The following CAMSAP1 variants were observed in gnomAD, a reference collection of about 807,000 sequenced individuals.
CAMSAP1 encodes calmodulin regulated spectrin associated protein 1, also known as calmodulin-regulated spectrin-associated protein 1.
Under a neutral mutation model 143.5 loss-of-function variants are expected in CAMSAP1, and 58 were observed. That is an observed-to-expected ratio of 0.40 (90% CI 0.33 to 0.50). CAMSAP1 has a LOEUF of 0.50. Among genes scored for constraint, CAMSAP1 ranks in the 20% least tolerant of loss-of-function variants. The pLI is 0.45. For synonymous variants in CAMSAP1, 945 were observed against 859.3 expected (o/e 1.10, Z -1.74); for missense variants, 1,969 against 2,115.7 (o/e 0.93, Z 1.36).
intron 7 of CAMSAP1, among the ~76,000 whole-genome samples, chr9:135,834,561 T>C (rs972039976): frequency 1.3e-5 from 2 of 152,030 alleles, no homozygotes; most frequent in Non-Finnish European, 2.9e-5. Flanking sequence ...GAAAGAAAAA[T>C]ACTGCTTGAT....
intron 1 of CAMSAP1, among the ~76,000 whole-genome samples, chr9:135,893,092 C>A (rs1161687601): frequency 1.3e-5 from 2 of 151,650 alleles, no homozygotes; most frequent in Non-Finnish European, 2.9e-5. Context: ...ATCACTTGAG[C>A]CCAGGAGTTC....
chr9:135,906,279 G>C (rs894679163), intron 1 of CAMSAP1, among the ~76,000 whole-genome samples: 1 of 152,198 alleles, frequency 6.6e-6, no homozygotes, highest in Non-Finnish European at 1.5e-5. Flanking sequence ...CAAATGAAAA[G>C]AGGATTGCAG....
chr9:135,844,977 C>T (rs1409812973), intron 7 of CAMSAP1, among the ~76,000 whole-genome samples: 1 of 152,086 alleles, frequency 6.6e-6, no homozygotes, highest in Non-Finnish European at 1.5e-5. Context: ...TGAAACTATT[C>T]CAAACAACAG....
intron 1 of CAMSAP1, among the ~76,000 whole-genome samples, chr9:135,885,176 T>C (rs1368368973): frequency 6.6e-6 from 1 of 152,018 alleles, no homozygotes; most frequent in East Asian, 1.9e-4. Context: ...CTTCTCCAAA[T>C]ATTGGAAGGG....
At chr9:135,877,452 A>G (rs1837790716) in intron 3 of CAMSAP1, among the ~76,000 whole-genome samples, 1 of 151,728 alleles carries the variant, frequency 6.6e-6, no homozygotes, top group Non-Finnish European at 1.5e-5. Flanking sequence ...TCAAGGAAAA[A>G]GATCCACTGA....
chr9:135,874,952 T>C (rs1837689966), intron 3 of CAMSAP1, among the ~76,000 whole-genome samples: 1 of 152,154 alleles, frequency 6.6e-6, no homozygotes, highest in Non-Finnish European at 1.5e-5. Context: ...AAAGTTAAAC[T>C]ATATACAAAA....
chr9:135,878,889 T>A (rs1030460078), intron 3 of CAMSAP1, among the ~76,000 whole-genome samples: 4 of 152,014 alleles, frequency 2.6e-5, no homozygotes, highest in African/African-American at 9.7e-5. Context: ...CAGTAAAATA[T>A]GGAAAACACT....
chr9:135,832,222 T>C (rs1835881528), intron 7 of CAMSAP1, among the ~76,000 whole-genome samples: 1 of 152,232 alleles, frequency 6.6e-6, no homozygotes, highest in Non-Finnish European at 1.5e-5. Flanking sequence ...TTATACACCA[T>C]GATTAAGTGG....
chr9:135,853,720 G>A (rs1034043565), intron 5 of CAMSAP1, among the ~76,000 whole-genome samples: 4 of 152,230 alleles, frequency 2.6e-5, no homozygotes, highest in Non-Finnish European at 4.4e-5. Flanking sequence ...GGGGCACAGG[G>A]CAGCCCTGGC....
At chr9:135,880,673 G>A (rs147826588) in intron 3 of CAMSAP1, among the ~76,000 whole-genome samples, 267 of 152,314 alleles carry the variant, frequency 1.8e-3, no homozygotes, top group African/African-American at 4.6e-3. Flanking sequence ...GCATGTGCAA[G>A]CTAACTATCA....
At position 135,809,933 on chromosome 9, in the gene CAMSAP1, T is replaced by C. The variant is rs1030997152; in HGVS notation, c.*1376A>G. On this transcript the variant is annotated 3_prime_UTR_variant, in exon 17 of 17. Coordinates refer to ENST00000389532, the MANE Select transcript of CAMSAP1 (RefSeq NM_015447.4). ...ACTCATGTTTTTTGTCTATCTAAAATTATGTAACAGTTAAATTTGTCTCTT... is the reference window on the plus strand; with the variant it reads ...ACTCATGTTTTTTGTCTATCTAAAACTATGTAACAGTTAAATTTGTCTCTT... The C allele has an allele frequency of 6.6e-6, 1 of 152,652 alleles. No homozygotes were observed. The highest frequency in any genetic ancestry group is 2.4e-5 in the African/African-American group (1 of 41,442). The allele number at this position is 152,652 out of a possible 1,614,324, so 9.5% of individuals were successfully genotyped here. A position where few individuals can be genotyped will look rare whatever the true frequency, so the allele number is the denominator to read the frequency against.
intron 1 of CAMSAP1, among the ~76,000 whole-genome samples, chr9:135,890,837 G>T (rs1271181414): frequency 6.6e-6 from 1 of 152,220 alleles, no homozygotes; most frequent in African/African-American, 2.4e-5. Flanking sequence ...GCAAAAGCCA[G>T]CAGAAACAGT....
chr9:135,820,738 G>A lies in CAMSAP1; in HGVS notation c.3822+101C>T. 1 of 1,453,318 alleles carries A rather than the reference G, an allele frequency of 6.9e-7. No homozygotes were observed. Among genetic ancestry groups the A allele is most frequent in the Non-Finnish European group, 9.3e-7 (1 of 1,080,850 alleles). The allele number at this position is 1,453,318 out of a possible 1,614,324, so 90.0% of individuals were successfully genotyped here. ...ACACATCCCCTGGCCTCTTACAGGA[G>A]CGGCTGGCCAGCCTGGTGCAGATCT... On this transcript the variant is annotated intron_variant, in intron 11 of 16. Coordinates refer to ENST00000389532, the MANE Select transcript of CAMSAP1 (RefSeq NM_015447.4). The surrounding 1 kb of genome is among the most constrained non-coding windows in gnomAD (Gnocchi z 4.4).
Position 135,821,830 on chromosome 9 carries a change from C to T in CAMSAP1, c.2831G>A (p.Gly944Glu). The T allele has an allele frequency of 1.2e-6, 2 of 1,614,052 alleles. No homozygotes were observed. Among genetic ancestry groups the T allele is most frequent in the Non-Finnish European group, 1.7e-6 (2 of 1,179,912 alleles). ...HFAKEYSQHN[G>E]EDCGDAVSKT... is the part of the protein sequence containing the mutation. ...GGAAACAGCGTCCCCACAGTCCTCC[C>T]CGTTGTGCTGAGAGTACTCCTTTGC... The change falls in exon 11 of 17, where the codon GGG (glycine) becomes GAG (glutamate). Residue 944 changes from glycine to glutamate, a missense_variant. Gly to Glu is a moderately conservative substitution (Grantham distance 98, BLOSUM62 -2). Transcript: ENST00000389532. This position sits in a 1 kb window ranked among gnomAD's most constrained non-coding sequence, Gnocchi z 4.6.
At chr9:135,878,668 C>G (rs758830592) in intron 3 of CAMSAP1, among the ~76,000 whole-genome samples, 20 of 152,106 alleles carry the variant, frequency 1.3e-4, no homozygotes, top group Admixed American at 1.3e-4. Flanking sequence ...GAACCCACAC[C>G]GGAGAGGGCC....
chr9:135,898,834 T>C (rs763565467), intron 1 of CAMSAP1, among the ~76,000 whole-genome samples: 34 of 152,222 alleles, frequency 2.2e-4, no homozygotes, highest in East Asian at 2.1e-3. Context: ...TGTATCTTAT[T>C]ATCACCCAGT....
chr9:135,870,406 T>C (rs1327486592), intron 3 of CAMSAP1, among the ~76,000 whole-genome samples: 1 of 152,218 alleles, frequency 6.6e-6, no homozygotes, highest in Non-Finnish European at 1.5e-5. Context: ...ACTGAGTCAA[T>C]TAAACCTCTT....
intron 3 of CAMSAP1, among the ~76,000 whole-genome samples, chr9:135,870,249 G>C (rs1167784745): frequency 6.6e-6 from 1 of 152,196 alleles, no homozygotes; most frequent in African/African-American, 2.4e-5. Context: ...TCTTGTGATA[G>C]TGAGTGGGCT....
intron 7 of CAMSAP1, among the ~76,000 whole-genome samples, chr9:135,831,000 G>A (rs974878204): frequency 4.6e-5 from 7 of 151,816 alleles, no homozygotes; most frequent in African/African-American, 1.2e-4. Context: ...CTGAAACACC[G>A]TCTCTACTAA....
Sources: gnomAD v4.1 joint callset for allele counts (sites outside exome capture counted in the v4.1 genomes callset) on GRCh38, gnomAD v4.1.1 for gene constraint, Gnocchi (gnomAD v3.1) non-coding constraint, MANE v1.5 for transcripts, NCBI Gene and HGNC (gene_info 2026-07-23, HGNC 2026-07-21) for gene names.